Variants in PREX1 observed in about 807,000 individuals in gnomAD.
The protein encoded by PREX1 is phosphatidylinositol-3,4,5-trisphosphate dependent Rac exchange factor 1.
A neutral mutation model predicts 198.3 loss-of-function variants in PREX1; 41 were observed. The observed-to-expected ratio is 0.21, with a 90% CI of 0.16 to 0.27. The LOEUF (loss-of-function observed/expected upper bound fraction) is 0.27. Ranked by LOEUF, PREX1 falls within the 10% of genes least tolerant of loss-of-function variation. PREX1 has a pLI of 1.00. For synonymous variants in PREX1, 843 were observed against 887.2 expected (o/e 0.95, Z 0.89); for missense variants, 1,620 against 2,200.7 (o/e 0.74, Z 5.28).
intron 1 of PREX1, among the ~76,000 whole-genome samples, chr20:48,767,979 G>C (rs2090217015): frequency 6.6e-6 from 1 of 152,162 alleles, no homozygotes; most frequent in Non-Finnish European, 1.5e-5. Flanking sequence ...TGCTAATTTA[G>C]AGTCCTCCTC....
At chr20:48,841,699 C>T in the PREX1 span, among the ~76,000 whole-genome samples, 1 of 152,332 alleles carries the variant, frequency 6.6e-6, no homozygotes, top group Admixed American at 6.5e-5. Flanking sequence ...ATCAGAACCG[C>T]AGCCGGCTGT....
At chr20:48,850,533 A>T in the PREX1 span, among the ~76,000 whole-genome samples, 6 of 152,112 alleles carry the variant, frequency 3.9e-5, no homozygotes, top group Non-Finnish European at 7.3e-5. Context: ...GGGGCTGGGG[A>T]GTCTTCCAGG....
At chr20:48,726,449 C>G in intron 4 of PREX1, 58 bp from the exon 5 acceptor site, 1 of 1,244,788 alleles carries the variant, frequency 8.0e-7, no homozygotes, top group South Asian at 1.2e-5. Context: ...GGGACATAGC[C>G]ACCCTCAACC....
intron 1 of PREX1, among the ~76,000 whole-genome samples, chr20:48,825,285 A>C (rs975396941): frequency 2.0e-5 from 3 of 152,172 alleles, no homozygotes; most frequent in African/African-American, 7.2e-5. Context: ...GACACACAAA[A>C]GGCCCAGGCA....
chr20:48,880,557 C>T, the PREX1 span, among the ~76,000 whole-genome samples: 19 of 152,238 alleles, frequency 1.2e-4, 1 homozygote, highest in South Asian at 3.7e-3. Flanking sequence ...AGCCACATTT[C>T]GGGCAGCAAG....
At chr20:48,861,038 G>T in the PREX1 span, among the ~76,000 whole-genome samples, 9 of 152,080 alleles carry the variant, frequency 5.9e-5, no homozygotes, top group African/African-American at 2.2e-4. Context: ...CTGGGGCCCA[G>T]AAAGAGATCT....
At chr20:48,863,769 G>C in the PREX1 span, among the ~76,000 whole-genome samples, 1 of 151,852 alleles carries the variant, frequency 6.6e-6, no homozygotes, top group Non-Finnish European at 1.5e-5. Flanking sequence ...TGTATTTTTA[G>C]TAGAGATGGG....
At chr20:48,870,651 T>C in the PREX1 span, among the ~76,000 whole-genome samples, 1 of 152,092 alleles carries the variant, frequency 6.6e-6, no homozygotes, top group African/African-American at 2.4e-5. Flanking sequence ...CAACCAACCG[T>C]AAAAATCATA....
chr20:48,864,333 G>C, the PREX1 span, among the ~76,000 whole-genome samples: 1 of 152,216 alleles, frequency 6.6e-6, no homozygotes, highest in Admixed American at 6.5e-5. Context: ...CTGGGAACAA[G>C]AGAGATGTCC....
chr20:48,736,380 C>T (rs2090057091), intron 3 of PREX1, among the ~76,000 whole-genome samples: 1 of 152,214 alleles, frequency 6.6e-6, no homozygotes, highest in South Asian at 2.1e-4. Context: ...ATGCAAACTA[C>T]ATGCTCCAAA....
chr20:48,735,749 A>G (rs2090054520), intron 3 of PREX1, among the ~76,000 whole-genome samples: 1 of 152,104 alleles, frequency 6.6e-6, no homozygotes, highest in Admixed American at 6.5e-5. Flanking sequence ...TGACAAAACC[A>G]AGGAAAAGTT....
At position 48,627,672 on chromosome 20, in the gene PREX1, C is replaced by G. The variant is rs2089283570; in HGVS notation, c.4870-57G>C. The G allele has an allele frequency of 2.6e-6, 4 of 1,523,318 alleles. No individual in the cohort carries two copies. The African/African-American group carries it at 4.1e-5, about 16-fold the overall frequency. The allele number at this position is 1,523,318 out of a possible 1,614,324, so 94.4% of individuals were successfully genotyped here. On this transcript the variant is annotated intron_variant, in intron 38 of 39. Coordinates refer to ENST00000371941, the MANE Select transcript of PREX1 (RefSeq NM_020820.4). The stretch of plus-strand genomic sequence containing the variant: ...TGCAGGTTCAGGGCACGTGAGGAAG[C>G]ACACTGGGGGGTGGGGGTGGGGCCC...
rs907252471 is a variant in PREX1 at position 48,625,167 on chromosome 20, C to T, written c.*718G>A. On this transcript the variant is annotated 3_prime_UTR_variant, in exon 40 of 40. Transcript: ENST00000371941. ...ATGTAAAATGTCAAATATATAATCACACAACTTTAGAAAAAACAAACTTTG... is the reference window on the plus strand; with the variant it reads ...ATGTAAAATGTCAAATATATAATCATACAACTTTAGAAAAAACAAACTTTG... 6.6e-6 allele frequency: 1 copy of T among 152,408 alleles called. No individual in the cohort carries two copies. 9.4% of individuals were successfully genotyped at this position (152,408 alleles called of 1,614,324 possible). A position where few individuals can be genotyped will look rare whatever the true frequency, so the allele number is the denominator to read the frequency against.
intron 3 of PREX1, among the ~76,000 whole-genome samples, chr20:48,736,283 G>A (rs1367551038): frequency 6.6e-6 from 1 of 152,082 alleles, no homozygotes; most frequent in Non-Finnish European, 1.5e-5. Flanking sequence ...TACCCACAGT[G>A]CACCCCCATA....
At chr20:48,628,337 C>T (rs542034896) in intron 37 of PREX1, among the ~76,000 whole-genome samples, 1 of 152,338 alleles carries the variant, frequency 6.6e-6, no homozygotes, top group African/African-American at 2.4e-5. Flanking sequence ...GAGATGGACA[C>T]ATCGATTCAC....
At chr20:48,790,618 A>C (rs1043007726) in intron 1 of PREX1, among the ~76,000 whole-genome samples, 4 of 152,152 alleles carry the variant, frequency 2.6e-5, no homozygotes, top group Non-Finnish European at 2.9e-5. Flanking sequence ...TTTTTGCCTA[A>C]ATTAGAGCCT....
rs1461877547 is a variant in PREX1, at chr20:48,625,335, C to T, written c.*550G>A. On this transcript the variant is annotated 3_prime_UTR_variant, in exon 40 of 40. Coordinates refer to ENST00000371941, the MANE Select transcript of PREX1 (RefSeq NM_020820.4). Reference sequence around the variant, plus strand: ...AGAGCTGGTGTGGCTCTCGGGGATCCTCTGGTAACAGGCGTGATGGAGGCC... The same window carrying T: ...AGAGCTGGTGTGGCTCTCGGGGATCTTCTGGTAACAGGCGTGATGGAGGCC... 1 of 152,066 alleles carries T rather than the reference C, an allele frequency of 6.6e-6. No homozygotes were observed. Among genetic ancestry groups the T allele is most frequent in the Non-Finnish European group, 1.5e-5 (1 of 67,960 alleles). 9.4% of individuals were successfully genotyped at this position (152,066 alleles called of 1,614,324 possible). A position where few individuals can be genotyped will look rare whatever the true frequency, so the allele number is the denominator to read the frequency against.
chr20:48,860,897 G>A, the PREX1 span, among the ~76,000 whole-genome samples: 471 of 151,594 alleles, frequency 3.1e-3, 2 homozygotes, highest in African/African-American at 0.011. Flanking sequence ...TTGGGAGGCC[G>A]AGGTGGGAGG....
At chr20:48,737,361 G>A (rs533431292) in intron 3 of PREX1, among the ~76,000 whole-genome samples, 27 of 151,726 alleles carry the variant, frequency 1.8e-4, no homozygotes, top group African/African-American at 5.3e-4. Context: ...GATGTTTTAC[G>A]TCTCATTCAT....
Sources: allele counts gnomAD v4.1 joint callset (sites outside exome capture counted in the v4.1 genomes callset), GRCh38; gene constraint gnomAD v4.1.1; transcripts MANE v1.5; gene names NCBI Gene and HGNC (gene_info 2026-07-23, HGNC 2026-07-21).